Variants in CFAP52 observed in about 807,000 individuals in gnomAD.
The protein encoded by CFAP52 is cilia and flagella associated protein 52, also known as cilia- and flagella-associated protein 52.
In CFAP52, 57 loss-of-function variants were observed where a neutral mutation model predicts 70.5. The ratio of observed to expected loss-of-function variants is 0.81; its 90% confidence interval spans 0.65 to 1.01. The LOEUF (loss-of-function observed/expected upper bound fraction) is 1.01. CFAP52 is among the 50% of genes least tolerant of loss of function. The probability of loss-of-function intolerance (pLI) is 0.00; values close to 1 mark genes in which losing one functional copy is unlikely to be tolerated. For missense variants in CFAP52, 785 were observed against 788.5 expected, an observed-to-expected ratio of 1.00 and a Z score of 0.05; for synonymous variants, 267 against 292.5, an observed-to-expected ratio of 0.91 and a Z score of 0.89.
intron 4 of CFAP52, among the ~76,000 whole-genome samples, chr17:9,595,993 A>T (rs1908982563): frequency 6.7e-6 from 1 of 148,468 alleles, no homozygotes; most frequent in Non-Finnish European, 1.5e-5. Flanking sequence ...CTATATATAT[A>T]CATACATAGT....
At chr17:9,584,042 T>C in intron 1 of CFAP52, 2 of 254,006 alleles carry the variant, frequency 7.9e-6, no homozygotes, top group Non-Finnish European at 1.3e-5. Context: ...AGCATTTTTG[T>C]GAAACATGTG....
chr17:9,604,245 T>C (rs1003776171), intron 6 of CFAP52, among the ~76,000 whole-genome samples: 44 of 152,222 alleles, frequency 2.9e-4, no homozygotes, highest in African/African-American at 9.6e-4. Flanking sequence ...CTTTTAGCTA[T>C]AATACCCATG....
chr17:9,616,416 TG>T (rs1187623210), intron 8 of CFAP52, among the ~76,000 whole-genome samples: 23 of 125,292 alleles, frequency 1.8e-4, no homozygotes, highest in East Asian at 1.6e-3. Flanking sequence ...GCAACGAGGC[TG>T]GGGGAGGGGC....
intron 1 of CFAP52, among the ~76,000 whole-genome samples, chr17:9,579,721 C>T (rs571080625): frequency 8.5e-4 from 129 of 152,300 alleles, no homozygotes; most frequent in African/African-American, 3.0e-3. Flanking sequence ...GTATCCACCA[C>T]CACGCCTGGC....
intron 11 of CFAP52, among the ~76,000 whole-genome samples, chr17:9,636,037 G>C (rs1447504699): frequency 6.6e-6 from 1 of 151,976 alleles, no homozygotes; most frequent in Non-Finnish European, 1.5e-5. Context: ...AGCTGGGCGT[G>C]GCGGCAGGTG....
chr17:9,634,443 G>C (rs1214448637), intron 10 of CFAP52, among the ~76,000 whole-genome samples: 2 of 152,182 alleles, frequency 1.3e-5, no homozygotes. Flanking sequence ...TCAGGAGTTT[G>C]AGACCAGCCT....
At chr17:9,586,533 C>T (rs1174783660) in intron 2 of CFAP52, among the ~76,000 whole-genome samples, 165 bp from the exon 3 acceptor site, 2 of 148,270 alleles carry the variant, frequency 1.3e-5, no homozygotes, top group Admixed American at 6.7e-5. Context: ...CATTGCACTC[C>T]AGCCTGGGCA....
chr17:9,638,796 G>A (rs1384475829), intron 12 of CFAP52, 85 bp downstream of exon 12: 9 of 1,317,334 alleles, frequency 6.8e-6, no homozygotes, highest in Non-Finnish European at 8.6e-6. Context: ...GGGCTCTGGA[G>A]TCAAACCACC....
At chr17:9,595,734 C>A (rs1218332039) in intron 4 of CFAP52, among the ~76,000 whole-genome samples, 1 of 151,664 alleles carries the variant, frequency 6.6e-6, no homozygotes, top group Non-Finnish European at 1.5e-5. Context: ...AGTGATCATT[C>A]GTAAGTAAAA....
intron 4 of CFAP52, chr17:9,597,618 C>T (rs1909070100): frequency 6.6e-6 from 1 of 152,244 alleles, no homozygotes; most frequent in African/African-American, 2.4e-5. Flanking sequence ...TCCTGGCCAA[C>T]ATGGTGAAAC....
Position 9,576,694 on chromosome 17 carries a change from G to A in CFAP52, c.-2G>A, listed in dbSNP as rs775171372. On this transcript the variant is annotated 5_prime_UTR_variant, in exon 1 of 14. Coordinates refer to ENST00000352665, the MANE Select transcript of CFAP52 (RefSeq NM_145054.5). ...GAGCAAAGTAATCAGAACCTCCCAA[G>A]GATGGATAACAAAATTTCGCCGGAG... is the stretch of plus-strand genomic sequence containing the variant. The A allele has an allele frequency of 4.3e-6, 7 of 1,611,924 alleles. No homozygotes were observed. In the South Asian group the frequency reaches 5.5e-5, roughly 13 times the overall value.
chr17:9,594,004 T>C (rs1908881587), intron 3 of CFAP52, among the ~76,000 whole-genome samples, 189 bp from the exon 4 acceptor site: 2 of 152,106 alleles, frequency 1.3e-5, no homozygotes, highest in African/African-American at 2.4e-5. Context: ...AAACTTTTAA[T>C]GTGTCACCGT....
At chr17:9,638,786 G>A (rs994039125) in intron 12 of CFAP52, 75 bp downstream of exon 12, 117 of 1,441,820 alleles carry the variant, frequency 8.1e-5, no homozygotes, top group Non-Finnish European at 1.1e-4. Context: ...TGGAGGGTGC[G>A]GGCTCTGGAG....
chr17:9,640,876 T>A (rs575759823), intron 12 of CFAP52, among the ~76,000 whole-genome samples: 1 of 152,246 alleles, frequency 6.6e-6, no homozygotes, highest in South Asian at 2.1e-4. Flanking sequence ...ATTCCTGACC[T>A]CAAGCAACGG....
In CFAP52 at chr17:9,616,468, C is replaced by T. The variant is rs890736328; in HGVS notation, c.1025+3989C>T. ...GGCTTGCTTAGGTAAACAAAGCAGC[C>T]GGGAAGCTCGAACTGGGTGGAGCCC... On this transcript the variant is annotated intron_variant, in intron 8 of 13. Coordinates refer to ENST00000352665, the MANE Select transcript of CFAP52 (RefSeq NM_145054.5). Among the ~76,000 whole-genome samples the T allele has an allele frequency of 2.3e-3, 320 of 136,322 alleles. 4 individuals are homozygous for T. The highest frequency in any genetic ancestry group is 8.2e-3 in the African/African-American group (284 of 34,550). 89.4% of individuals were successfully genotyped at this position (136,322 alleles called of 152,430 possible).
intron 12 of CFAP52, 54 bp from the exon 13 acceptor site, chr17:9,641,670 A>T: frequency 7.5e-7 from 1 of 1,336,356 alleles, no homozygotes; most frequent in Non-Finnish European, 1.1e-6. Flanking sequence ...TAGCATGTGC[A>T]TGGATGACTC....
chr17:9,582,135 G>A (rs1908255508), intron 1 of CFAP52, among the ~76,000 whole-genome samples: 1 of 152,198 alleles, frequency 6.6e-6, no homozygotes, highest in South Asian at 2.1e-4. Context: ...ACACCTGCAT[G>A]TTACAAGGTT....
chr17:9,615,795 C>CT (rs1190663709), intron 8 of CFAP52, among the ~76,000 whole-genome samples: 7,701 of 67,152 alleles, frequency 0.11, 994 homozygotes, highest in East Asian at 0.41. Context: ...AAAAAAAATT[C>CT]TTTTTTTTTT....
chr17:9,606,417 A>T (rs1000828478), intron 6 of CFAP52, among the ~76,000 whole-genome samples: 1 of 152,192 alleles, frequency 6.6e-6, no homozygotes, highest in Admixed American at 6.5e-5. Flanking sequence ...ACATGCAAAT[A>T]CAAAAATGGT....
Sources: allele counts gnomAD v4.1 joint callset (sites outside exome capture counted in the v4.1 genomes callset), GRCh38; gene constraint gnomAD v4.1.1; transcripts MANE v1.5; gene names NCBI Gene and HGNC (gene_info 2026-07-23, HGNC 2026-07-21).